RYR3: variants seen among roughly 807,000 people sequenced by gnomAD.
The protein encoded by RYR3 is brain ryanodine receptor-calcium release channel.
A neutral mutation model predicts 584.3 loss-of-function variants in RYR3; 207 were observed. The ratio of observed to expected loss-of-function variants is 0.35; its 90% CI spans 0.32 to 0.40. The LOEUF (loss-of-function observed/expected upper bound fraction) is 0.40. RYR3 is among the 10% of genes least tolerant of loss of function. The pLI is 1.00. For missense variants in RYR3, 5,616 were observed against 6,089.2 expected (o/e 0.92, Z 2.59); for synonymous variants, 2,416 against 2,248.5 (o/e 1.07, Z -2.11).
At chr15:33,788,706 C>G (rs1179756313) in intron 67 of RYR3, among the ~76,000 whole-genome samples, 1 of 152,156 alleles carries the variant, frequency 6.6e-6, no homozygotes, top group African/African-American at 2.4e-5. Context: ...TACCACAGGT[C>G]AGAGGAAGTT....
intron 12 of RYR3, among the ~76,000 whole-genome samples, chr15:33,572,559 C>T (rs368645918): frequency 2.7e-5 from 4 of 148,106 alleles, no homozygotes; most frequent in African/African-American, 1.0e-4. Context: ...TGCCATGAGG[C>T]GGTGGGGGGA....
rs138227156 is a variant in RYR3, at chr15:33,608,527, G to A, written c.2165-4656G>A. Reference sequence around the variant, plus strand: ...CACATTTTAAAGTGAGGTGTACGTCGTCAGATGACCTTTTACAGTGTGAAT... The same window carrying A: ...CACATTTTAAAGTGAGGTGTACGTCATCAGATGACCTTTTACAGTGTGAAT... On this transcript the variant is annotated intron_variant, in intron 18 of 103. Transcript: ENST00000634891. Among the ~76,000 whole-genome samples the A allele has an allele frequency of 1.6e-3, 251 of 152,248 alleles. 1 individual carries two copies. The highest frequency in any genetic ancestry group is 5.7e-3 in the African/African-American group (235 of 41,542).
chr15:33,398,138 A>G (rs2042408914), intron 1 of RYR3, among the ~76,000 whole-genome samples: 1 of 152,266 alleles, frequency 6.6e-6, no homozygotes, highest in Non-Finnish European at 1.5e-5. Flanking sequence ...ATAAATTTAA[A>G]GTAGCTTTAA....
In RYR3 at chr15:33,628,563, G is replaced by T. The variant is rs1416508730; in HGVS notation, c.2667G>T (p.Trp889Cys). The change falls in exon 21 of 104, where the codon TGG becomes TGT. Residue 889 changes from tryptophan to cysteine, a missense_variant. By Grantham distance (215) the Trp-to-Cys change is radical. Transcript: ENST00000634891. ...LWGMNKIELG[W>C]TFGKIRDDNK... ...GAATGAATAAAATAGAACTTGGCTG[G>T]ACTTTCGGCAAGGTATGTGTCTCAG... The T allele has an allele frequency of 6.2e-7, 1 of 1,611,658 alleles. No homozygotes were observed. The highest frequency in any genetic ancestry group is 1.7e-5 in the Admixed American group (1 of 60,006).
intron 65 of RYR3, among the ~76,000 whole-genome samples, chr15:33,784,308 A>G (rs776558264): frequency 5.3e-4 from 81 of 152,352 alleles, no homozygotes; most frequent in Non-Finnish European, 8.8e-4. Flanking sequence ...GGCCTCTCCT[A>G]TTTATTAATC....
intron 25 of RYR3, 121 bp from the exon 26 acceptor site, chr15:33,635,493 G>T: frequency 5.6e-6 from 4 of 712,466 alleles, no homozygotes; most frequent in Non-Finnish European, 9.8e-6. Context: ...GATAGTAGTC[G>T]ACCTATGGTC....
chr15:33,723,522 G>A (rs1167791657), intron 44 of RYR3, among the ~76,000 whole-genome samples: 1 of 152,186 alleles, frequency 6.6e-6, no homozygotes, highest in East Asian at 1.9e-4. Flanking sequence ...CTTTAGGTTA[G>A]ACCGTAGAAT....
intron 43 of RYR3, among the ~76,000 whole-genome samples, chr15:33,708,613 C>T (rs2066882172): frequency 2.0e-5 from 3 of 152,124 alleles, no homozygotes; most frequent in African/African-American, 7.2e-5. Context: ...ACTGGCCCAT[C>T]AATAGAAATA....
chr15:33,861,028 C>T (rs372844027), intron 101 of RYR3, 50 bp from the exon 102 acceptor site: 57 of 1,318,780 alleles, frequency 4.3e-5, no homozygotes, highest in Non-Finnish European at 5.8e-5. Context: ...GTTTTCTCTC[C>T]TGCCTATATT....
chr15:33,802,110 C>G (rs764005580), intron 69 of RYR3, 149 bp downstream of exon 69: 7 of 767,772 alleles, frequency 9.1e-6, no homozygotes, highest in Non-Finnish European at 1.7e-5. Context: ...TCTTTGAGAA[C>G]GAGCCAGAAG....
At chr15:33,832,752 G>C (rs2077769433) in intron 86 of RYR3, among the ~76,000 whole-genome samples, 1 of 151,948 alleles carries the variant, frequency 6.6e-6, no homozygotes, top group Non-Finnish European at 1.5e-5. Context: ...ACTGGGGCCT[G>C]TAATCCCAGC....
At chr15:33,372,013 C>T (rs2040368177) in intron 1 of RYR3, among the ~76,000 whole-genome samples, 1 of 152,214 alleles carries the variant, frequency 6.6e-6, no homozygotes, top group African/African-American at 2.4e-5. Context: ...AGGCATTTGC[C>T]TTCATGAAAC....
At chr15:33,478,847 C>T (rs186507407) in intron 2 of RYR3, among the ~76,000 whole-genome samples, 76 of 152,232 alleles carry the variant, frequency 5.0e-4, no homozygotes, top group African/African-American at 1.8e-3. Context: ...TAAGTTTCAA[C>T]AGACCAAGGT....
At chr15:33,592,716 T>C (rs1202815337) in intron 16 of RYR3, among the ~76,000 whole-genome samples, 1 of 152,226 alleles carries the variant, frequency 6.6e-6, no homozygotes, top group Non-Finnish European at 1.5e-5. Context: ...GAAAGTACAG[T>C]TGCAATGTCT....
chr15:33,575,144 C>A (rs1327132846), intron 12 of RYR3, among the ~76,000 whole-genome samples: 1 of 152,026 alleles, frequency 6.6e-6, no homozygotes, highest in Non-Finnish European at 1.5e-5. Context: ...TCTTAGAGAC[C>A]TGCAAAGAGA....
At chr15:33,435,141 G>C (rs4780119) in intron 1 of RYR3, among the ~76,000 whole-genome samples, 40,397 of 151,254 alleles carry the variant, frequency 0.27, 5,587 homozygotes, top group Admixed American at 0.35. Flanking sequence ...AAGTTCAGGG[G>C]TACATGTGCA....
At chr15:33,706,545 G>A (rs762971931) in intron 42 of RYR3, among the ~76,000 whole-genome samples, 10 of 152,080 alleles carry the variant, frequency 6.6e-5, no homozygotes, top group African/African-American at 1.4e-4. Context: ...TGTTCTTCAC[G>A]TTGTAGCATG....
rs577737942 is a variant in RYR3 at position 33,672,353 on chromosome 15, C to T, written c.5860+1797C>T. On this transcript the variant is annotated intron_variant, in intron 38 of 103. Transcript: ENST00000634891. ...ACATTCTGTCTGTCTTGGCAAAACA[C>T]GCACACCCGAGAGGCCAGCCCTGTA... is the stretch of plus-strand genomic sequence containing the variant. Among the ~76,000 whole-genome samples, 16 of 152,338 alleles carry T rather than the reference C, an allele frequency of 1.1e-4. 1 individual carries two copies. In the East Asian group the frequency reaches 2.3e-3, roughly 22 times the overall value.
chr15:33,428,796 T>A (rs1334707401), intron 1 of RYR3, among the ~76,000 whole-genome samples: 2 of 152,162 alleles, frequency 1.3e-5, no homozygotes, highest in African/African-American at 4.8e-5. Context: ...TACATGTTAG[T>A]GAAAAAAAGT....
Sources: gnomAD v4.1 joint callset for allele counts (sites outside exome capture counted in the v4.1 genomes callset) on GRCh38, gnomAD v4.1.1 for gene constraint, MANE v1.5 for transcripts, NCBI Gene and HGNC (gene_info 2026-07-23, HGNC 2026-07-21) for gene names.